ABI2: variants seen among roughly 807,000 people sequenced by gnomAD.
ABI2 encodes abelson interactor 2.
ABI2 carries 25 observed loss-of-function variants against 59.2 expected under a neutral mutation model. The ratio of observed to expected loss-of-function variants is 0.42; its 90% CI spans 0.31 to 0.59. ABI2 has a LOEUF of 0.59. Among genes scored for constraint, ABI2 ranks in the 20% least tolerant of loss-of-function variants. The pLI is 0.14. For synonymous variants in ABI2, 213 were observed against 235.5 expected (o/e 0.90, Z 0.87); for missense variants, 545 against 681.8 (o/e 0.80, Z 2.23).
At chr2:203,376,576 A>G (rs2095697010) in intron 2 of ABI2, among the ~76,000 whole-genome samples, 3 of 152,158 alleles carry the variant, frequency 2.0e-5, no homozygotes, top group Admixed American at 2.0e-4. Flanking sequence ...GAAACATTTC[A>G]CTTTCCTGAT....
At chr2:203,348,126 A>G (rs912060325) in intron 1 of ABI2, among the ~76,000 whole-genome samples, 4 of 152,096 alleles carry the variant, frequency 2.6e-5, no homozygotes, top group African/African-American at 9.7e-5. Flanking sequence ...CTGTAATCCC[A>G]GCTACTTGGG....
intron 5 of ABI2, among the ~76,000 whole-genome samples, chr2:203,393,650 C>A (rs2096860634): frequency 1.3e-5 from 2 of 152,166 alleles, no homozygotes; most frequent in Admixed American, 1.3e-4. Context: ...TGATCCATAA[C>A]TTGAGTGCCC....
At chr2:203,351,066 A>G (rs762705761) in intron 1 of ABI2, among the ~76,000 whole-genome samples, 3 of 152,116 alleles carry the variant, frequency 2.0e-5, no homozygotes, top group Non-Finnish European at 2.9e-5. Flanking sequence ...ACTCTTTTGC[A>G]TGTCACTATC....
intron 1 of ABI2, among the ~76,000 whole-genome samples, chr2:203,332,071 A>T (rs1342970526): frequency 1.3e-5 from 2 of 151,466 alleles, no homozygotes; most frequent in Non-Finnish European, 2.9e-5. Flanking sequence ...CGGCCTCCCA[A>T]AGTGCTAGGA....
rs191955425 is a variant in ABI2 at position 203,370,841 on chromosome 2, G to A, written c.285+3797G>A. Among the ~76,000 whole-genome samples the A allele has an allele frequency of 6.9e-4, 105 of 152,314 alleles. 1 individual carries two copies. The highest frequency in any genetic ancestry group is 8.2e-4 in the Non-Finnish European group (56 of 68,026). ...AAGCCTCAAGAGTTGTAAGGGTAGAGTTGTTTAGGACTAGTAGATACTAGT... is the reference window on the plus strand; with the variant it reads ...AAGCCTCAAGAGTTGTAAGGGTAGAATTGTTTAGGACTAGTAGATACTAGT... On this transcript the variant is annotated intron_variant, in intron 2 of 11. Transcript: ENST00000261018.
intron 1 of ABI2, among the ~76,000 whole-genome samples, chr2:203,341,887 T>C (rs961880618): frequency 6.6e-6 from 1 of 152,214 alleles, no homozygotes; most frequent in African/African-American, 2.4e-5. Flanking sequence ...GCAGTTTATT[T>C]ACAGTTACTT....
intron 4 of ABI2, among the ~76,000 whole-genome samples, chr2:203,389,999 C>G (rs1358970320): frequency 6.6e-6 from 1 of 152,202 alleles, no homozygotes; most frequent in Non-Finnish European, 1.5e-5. Flanking sequence ...AATTCACCTT[C>G]AGTTTGGGCC....
At chr2:203,344,744 G>A (rs546724174) in intron 1 of ABI2, among the ~76,000 whole-genome samples, 1 of 152,084 alleles carries the variant, frequency 6.6e-6, no homozygotes, top group African/African-American at 2.4e-5. Context: ...CTAAAGGTTT[G>A]TAAGCGCACC....
intron 1 of ABI2, among the ~76,000 whole-genome samples, chr2:203,331,348 C>CTCTTTT (rs1553525736): frequency 2.3e-5 from 2 of 85,302 alleles, no homozygotes; most frequent in Non-Finnish European, 4.2e-5. Flanking sequence ...TCAATTTAGC[C>CTCTTTT]TTTTTTTTTT....
chr2:203,425,865 TA>T (rs1432030424), intron 11 of ABI2, among the ~76,000 whole-genome samples: 1 of 151,744 alleles, frequency 6.6e-6, no homozygotes, highest in African/African-American at 2.4e-5. Context: ...CTACTAAAAA[TA>T]CAAAAATTAG....
At position 203,421,756 on chromosome 2, in the gene ABI2, A is replaced by G. The variant is rs554716076; in HGVS notation, c.1453+4675A>G. Among the ~76,000 whole-genome samples, 217 of 152,144 alleles carry G rather than the reference A, an allele frequency of 1.4e-3. 1 individual carries two copies. The highest frequency in any genetic ancestry group is 2.3e-3 in the Admixed American group (35 of 15,272). The stretch of plus-strand genomic sequence containing the variant: ...CCAAGGCCGGCAGATGACAAGGTCA[A>G]GAGATCAAGACCATCCAGCCAACAT... On this transcript the variant is annotated intron_variant, in intron 11 of 11. Transcript: ENST00000261018.
chr2:203,369,867 A>T (rs2094941632), intron 2 of ABI2, among the ~76,000 whole-genome samples: 1 of 151,914 alleles, frequency 6.6e-6, no homozygotes, highest in African/African-American at 2.4e-5. Context: ...AATAAGAGTA[A>T]TTTTAAAAAT....
intron 1 of ABI2, among the ~76,000 whole-genome samples, chr2:203,333,325 AG>A (rs1248249044): frequency 1.3e-5 from 2 of 152,224 alleles, no homozygotes; most frequent in Non-Finnish European, 2.9e-5. Flanking sequence ...ATATTTTTGT[AG>A]AAATGGGTTT....
intron 1 of ABI2, among the ~76,000 whole-genome samples, chr2:203,345,338 C>T (rs538798821): frequency 1.3e-5 from 2 of 152,304 alleles, no homozygotes; most frequent in Non-Finnish European, 2.9e-5. Context: ...AAACTCCGGA[C>T]AGATCTGAAC....
At chr2:203,413,458 G>C (rs767243775) in intron 10 of ABI2, among the ~76,000 whole-genome samples, 11 of 152,154 alleles carry the variant, frequency 7.2e-5, no homozygotes, top group Non-Finnish European at 1.5e-4. Flanking sequence ...GTAGATGACT[G>C]CAAAACATTA....
chr2:203,424,862 C>T (rs2098374058), intron 11 of ABI2, among the ~76,000 whole-genome samples: 1 of 152,080 alleles, frequency 6.6e-6, no homozygotes, highest in East Asian at 1.9e-4. Context: ...TAAATTCTAT[C>T]TAATCTAGTT....
intron 1 of ABI2, among the ~76,000 whole-genome samples, chr2:203,353,775 G>A (rs555604254): frequency 6.6e-6 from 1 of 152,300 alleles, no homozygotes; most frequent in East Asian, 1.9e-4. Flanking sequence ...TGGGATTACA[G>A]GCGTGAGCCA....
chr2:203,432,022 G>A lies in ABI2; in HGVS notation c.*4670G>A, dbSNP rs950782726. Reference sequence around the variant, plus strand: ...TAAAAACCATCCAGGGGAACTTGAGGGAGCAGTCTGTTGCCAGTAATGTTC... The same window carrying A: ...TAAAAACCATCCAGGGGAACTTGAGAGAGCAGTCTGTTGCCAGTAATGTTC... On this transcript the variant is annotated 3_prime_UTR_variant, in exon 12 of 12. Coordinates refer to ENST00000261018, the MANE Select transcript of ABI2 (RefSeq NM_001375670.1). The A allele has an allele frequency of 6.6e-6, 1 of 152,134 alleles. No individual in the cohort carries two copies. The highest frequency in any genetic ancestry group is 1.5e-5 in the Non-Finnish European group (1 of 68,016). 9.4% of individuals were successfully genotyped at this position (152,134 alleles called of 1,614,324 possible).
intron 1 of ABI2, 115 bp downstream of exon 1, chr2:203,328,746 G>A (rs1371585746): frequency 1.8e-6 from 1 of 555,872 alleles, no homozygotes; most frequent in Non-Finnish European, 3.0e-6. Flanking sequence ...CCCCCGATGG[G>A]GGTGGGGAGC....
Sources: gnomAD v4.1 joint callset for allele counts (sites outside exome capture counted in the v4.1 genomes callset) on GRCh38, gnomAD v4.1.1 for gene constraint, MANE v1.5 for transcripts, NCBI Gene and HGNC (gene_info 2026-07-23, HGNC 2026-07-21) for gene names.